CMYA5: variants seen among roughly 807,000 people sequenced by gnomAD.
The protein encoded by CMYA5 is cardiomyopathy associated 5.
Under a neutral mutation model 318.9 loss-of-function variants are expected in CMYA5, and 246 were observed. That is an observed-to-expected ratio of 0.77 (90% CI 0.70 to 0.86). CMYA5 has a LOEUF of 0.86. Ranked by LOEUF, CMYA5 falls within the 40% of genes least tolerant of loss-of-function variation. The probability of loss-of-function intolerance (pLI) is 0.00; values close to 1 mark genes in which losing one functional copy is unlikely to be tolerated. For missense variants in CMYA5, 4,589 were observed against 4,678.2 expected, an observed-to-expected ratio of 0.98 and a Z score of 0.56; for synonymous variants, 1,641 against 1,729.5, an observed-to-expected ratio of 0.95 and a Z score of 1.27.
chr5:79,772,630 G>A (rs193215407), intron 9 of CMYA5, among the ~76,000 whole-genome samples: 7 of 152,294 alleles, frequency 4.6e-5, no homozygotes, highest in Admixed American at 3.9e-4. Flanking sequence ...ATCAATACAG[G>A]CCTCAATATC....
At chr5:79,694,697 A>G (rs1370557784) in intron 1 of CMYA5, among the ~76,000 whole-genome samples, 1 of 152,238 alleles carries the variant, frequency 6.6e-6, no homozygotes, top group Admixed American at 6.5e-5. Flanking sequence ...GGAAGGTGCA[A>G]GGAATTTGTA....
At position 79,730,044 on chromosome 5, in the gene CMYA5, G is replaced by A; in HGVS notation, c.1279G>A (p.Val427Met). Residue 427 changes from valine to methionine, a missense_variant, in exon 2 of 13, where the codon GTG becomes ATG. This residue lies in a region of CMYA5 where 2,132 missense variants were observed against 2,131.3 expected (regional missense o/e 1.00). Transcript: ENST00000446378. ...SFANEVKKED[V>M]YSAHHSISLE... ...TGCTAATGAGGTAAAGAAGGAAGATGTGTATTCTGCTCACCATTCCATTTC... is the reference window on the plus strand; with the variant it reads ...TGCTAATGAGGTAAAGAAGGAAGATATGTATTCTGCTCACCATTCCATTTC... 6.2e-7 allele frequency: 1 copy of A among 1,613,936 alleles called. No individual in the cohort carries two copies. Among genetic ancestry groups the A allele is most frequent in the Non-Finnish European group, 8.5e-7 (1 of 1,179,896 alleles).
In CMYA5 at chr5:79,698,927, G is replaced by A. The variant is rs543004965; in HGVS notation, c.149+8871G>A. ...AATCCCAGCACTTTGGGAGGCTGAG[G>A]CAGGTAGATCACTTGAAATCAGGAG... On this transcript the variant is annotated intron_variant, in intron 1 of 12. Transcript: ENST00000446378. Among the ~76,000 whole-genome samples the A allele has an allele frequency of 6.6e-5, 10 of 152,330 alleles. 1 individual carries two copies. In the South Asian group the frequency reaches 2.1e-3, roughly 32 times the overall value.
At chr5:79,752,456 T>C in intron 5 of CMYA5, among the ~76,000 whole-genome samples, 1 of 152,220 alleles carries the variant, frequency 6.6e-6, no homozygotes. Flanking sequence ...AACTAGAGGA[T>C]ATAGGAATGA....
chr5:79,794,727 G>T (rs2151101575), intron 12 of CMYA5, among the ~76,000 whole-genome samples: 1 of 152,270 alleles, frequency 6.6e-6, no homozygotes, highest in South Asian at 2.1e-4. Flanking sequence ...AGCCTTCAAT[G>T]CTTGCAAGTT....
At chr5:79,766,676 G>T (rs1828760436) in intron 9 of CMYA5, among the ~76,000 whole-genome samples, 1 of 152,210 alleles carries the variant, frequency 6.6e-6, no homozygotes, top group African/African-American at 2.4e-5. Context: ...TGGTGGATAA[G>T]CTTTTTGATG....
chr5:79,730,371 T>A lies in CMYA5; in HGVS notation c.1606T>A (p.Tyr536Asn). 6.2e-7 allele frequency: 1 copy of A among 1,613,910 alleles called. No individual in the cohort carries two copies. The highest frequency in any genetic ancestry group is 8.5e-7 in the Non-Finnish European group (1 of 1,179,874). ...LVEEEIVELD[Y>N]PESPLVSEKP... ...AGAAGAAGAGATCGTAGAACTTGAT[T>A]ACCCAGAAAGCCCATTGGTTTCCGA... Residue 536 changes from tyrosine to asparagine, a missense_variant, in exon 2 of 13, where the codon TAC becomes AAC. Transcript: ENST00000446378.
chr5:79,788,613 T>C (rs1159301850), intron 9 of CMYA5, among the ~76,000 whole-genome samples: 2 of 152,154 alleles, frequency 1.3e-5, no homozygotes, highest in Non-Finnish European at 2.9e-5. Flanking sequence ...TCATCGTAGA[T>C]TGGTTTAATA....
At position 79,738,008 on chromosome 5, in the gene CMYA5, ACT is replaced by A; in HGVS notation, c.9247_9248del (p.Ser3083LysfsTer22). 1.2e-5 allele frequency: 19 copies of A among 1,613,592 alleles called. No homozygotes were observed. The highest frequency in any genetic ancestry group is 1.6e-5 in the Non-Finnish European group (19 of 1,179,704). On this transcript the variant is annotated frameshift_variant, in exon 2 of 13. Transcript: ENST00000446378. LOFTEE classifies it high-confidence loss of function. ...CACAGAAATTAAATGTTGAAGAGAA[ACT>A]CTCAAAGGAAGTTACAGAAGAAACT... ...APQKLNVEEK[L>X]SKEVTEETIS...
rs763513823 is a variant in CMYA5, at chr5:79,731,208, A to C, written c.2443A>C (p.Ile815Leu). ...LNATQESQKK[I>L]INEASQFKPK... ...TGCAACACAGGAATCTCAAAAGAAAATAATCAATGAGGCATCCCAATTCAA... is the reference window on the plus strand; with the variant it reads ...TGCAACACAGGAATCTCAAAAGAAACTAATCAATGAGGCATCCCAATTCAA... The change falls in exon 2 of 13, where the codon ATA (isoleucine) becomes CTA (leucine). Residue 815 changes from isoleucine (I) to leucine (L), a missense_variant. Around this residue, in one of 3 missense-constraint regions of CMYA5, gnomAD observed 2,132 missense variants for 2,131.3 expected, o/e 1.00. Coordinates refer to ENST00000446378, the MANE Select transcript of CMYA5 (RefSeq NM_153610.5). The C allele has an allele frequency of 6.2e-7, 1 of 1,614,036 alleles. No homozygotes were observed. Among genetic ancestry groups the C allele is most frequent in the Non-Finnish European group, 8.5e-7 (1 of 1,179,894 alleles).
chr5:79,789,158 AC>A, intron 10 of CMYA5, 54 bp downstream of exon 10: 1 of 1,600,954 alleles, frequency 6.2e-7, no homozygotes, highest in Non-Finnish European at 8.5e-7. Flanking sequence ...CTTCCCTTCC[AC>A]CCCTCAGAGA....
intron 1 of CMYA5, among the ~76,000 whole-genome samples, chr5:79,701,265 TAGAAC>T (rs1486098935): frequency 6.6e-6 from 1 of 151,852 alleles, no homozygotes. Context: ...CAAATACACT[TAGAAC>T]AAATAATACC....
rs775472582 is a variant in CMYA5 at position 79,728,927 on chromosome 5, G to GGATGAA, written c.165_170dup (p.Asp55_Glu56dup). On this transcript the variant is annotated inframe_insertion, in exon 2 of 13. Coordinates refer to ENST00000446378, the MANE Select transcript of CMYA5 (RefSeq NM_153610.5). ...TTATTTGCTATAGGTTATCAGACCA[G>GGATGAA]GATGAAGAGGGAAAGATCAAGCAGG... 36 of 1,570,130 alleles carry GGATGAA rather than the reference G, an allele frequency of 2.3e-5. No homozygotes were observed. Among genetic ancestry groups the GGATGAA allele is most frequent in the Non-Finnish European group, 3.1e-5 (36 of 1,158,268 alleles).
chr5:79,777,796 A>ATT (rs61306668), intron 9 of CMYA5, among the ~76,000 whole-genome samples: 4 of 150,932 alleles, frequency 2.7e-5, no homozygotes, highest in South Asian at 2.1e-4. Flanking sequence ...ATAAAAATAA[A>ATT]TTTTTTTTTA....
intron 12 of CMYA5, among the ~76,000 whole-genome samples, chr5:79,794,144 G>A (rs193153651): frequency 4.1e-4 from 63 of 152,300 alleles, no homozygotes; most frequent in African/African-American, 1.4e-3. Flanking sequence ...GGTCCATATC[G>A]GGGGTTGGCA....
intron 4 of CMYA5, 136 bp from the exon 5 acceptor site, chr5:79,746,955 G>A: frequency 3.3e-6 from 2 of 615,364 alleles, no homozygotes; most frequent in Non-Finnish European, 5.7e-6. Context: ...GGAAGCTGAG[G>A]GGTTATGATT....
chr5:79,713,380 C>G (rs1033727201), intron 1 of CMYA5, among the ~76,000 whole-genome samples: 7 of 149,504 alleles, frequency 4.7e-5, no homozygotes, highest in Admixed American at 3.4e-4. Flanking sequence ...GCCCACCTCC[C>G]AAGACCACAA....
At chr5:79,767,224 C>A (rs1422823115) in intron 9 of CMYA5, among the ~76,000 whole-genome samples, 1 of 152,096 alleles carries the variant, frequency 6.6e-6, no homozygotes, top group Non-Finnish European at 1.5e-5. Flanking sequence ...GGCTAGTGGT[C>A]TATTTTGTTA....
chr5:79,719,823 T>C (rs1362279625), intron 1 of CMYA5, among the ~76,000 whole-genome samples: 1 of 152,176 alleles, frequency 6.6e-6, no homozygotes, highest in Non-Finnish European at 1.5e-5. Flanking sequence ...ATGATGCTTA[T>C]GTGATGCTTA....
Sources: gnomAD v4.1 joint callset for allele counts (sites outside exome capture counted in the v4.1 genomes callset) on GRCh38, gnomAD v4.1.1 for gene constraint, gnomAD v4.1.1 regional missense constraint, MANE v1.5 for transcripts, NCBI Gene and HGNC (gene_info 2026-07-23, HGNC 2026-07-21) for gene names.